The following TNIK variants were observed in gnomAD, a reference collection of about 807,000 sequenced individuals.
TNIK encodes the protein TRAF2 and NCK interacting kinase, also known as TRAF2 and NCK-interacting protein kinase.
Under a neutral mutation model 191.3 loss-of-function variants are expected in TNIK, and 49 were observed. The observed-to-expected ratio is 0.26, with a 90% CI of 0.20 to 0.32. The LOEUF (loss-of-function observed/expected upper bound fraction) is 0.32, where lower values mean the gene tolerates loss of function less well. Ranked by LOEUF, TNIK falls within the 10% of genes least tolerant of loss-of-function variation. The pLI, the probability that TNIK is intolerant of heterozygous loss-of-function variation, is 1.00. For missense variants in TNIK, 1,155 were observed against 1,702.3 expected (o/e 0.68, Z 5.66); for synonymous variants, 594 against 600.9 (o/e 0.99, Z 0.17).
intron 9 of TNIK, among the ~76,000 whole-genome samples, chr3:171,174,429 T>C (rs1316998053): frequency 1.3e-5 from 2 of 152,056 alleles, no homozygotes; most frequent in Non-Finnish European, 2.9e-5. Flanking sequence ...TAATCCGAGA[T>C]TCAAGAATGT....
At chr3:171,185,960 G>T (rs928389216) in intron 7 of TNIK, among the ~76,000 whole-genome samples, 2 of 152,282 alleles carry the variant, frequency 1.3e-5, no homozygotes, top group Middle Eastern at 3.4e-3. Context: ...AGGGCCCAAA[G>T]TGTTGACATC....
chr3:171,099,264 A>C (rs1423160478), intron 22 of TNIK, among the ~76,000 whole-genome samples: 1 of 151,984 alleles, frequency 6.6e-6, no homozygotes, highest in East Asian at 1.9e-4. Flanking sequence ...GTCTGATTTC[A>C]CTAGTCCAGA....
intron 1 of TNIK, among the ~76,000 whole-genome samples, chr3:171,415,411 G>T (rs946031190): frequency 6.6e-6 from 1 of 152,152 alleles, no homozygotes; most frequent in Non-Finnish European, 1.5e-5. Flanking sequence ...AAAGGTGACT[G>T]ACAATAGGAA....
intron 2 of TNIK, among the ~76,000 whole-genome samples, chr3:171,260,801 A>C (rs144459001): frequency 2.8e-3 from 419 of 152,288 alleles, no homozygotes; most frequent in African/African-American, 9.6e-3. Flanking sequence ...CTTTCCTTTA[A>C]TGGCTAAAAT....
In TNIK at chr3:171,157,676, A is replaced by G; in HGVS notation, c.1017-12T>C. On this transcript the variant is annotated splice_polypyrimidine_tract_variant and intron_variant, in intron 11 of 32. Transcript: ENST00000436636. Reference sequence around the variant, plus strand: ...GATTCAGGATGGAGCTGTGGGTAGGAGAGAGTGATCAGGATCCCACGTGGG... The same window carrying G: ...GATTCAGGATGGAGCTGTGGGTAGGGGAGAGTGATCAGGATCCCACGTGGG... 2 of 1,552,742 alleles carry G rather than the reference A, an allele frequency of 1.3e-6. No individual in the cohort carries two copies. Among genetic ancestry groups the G allele is most frequent in the Non-Finnish European group, 1.7e-6 (2 of 1,147,614 alleles).
At chr3:171,077,625 A>T (rs1414587108) in intron 28 of TNIK, among the ~76,000 whole-genome samples, 1 of 152,116 alleles carries the variant, frequency 6.6e-6, no homozygotes, top group Non-Finnish European at 1.5e-5. Context: ...GTGGAACAAC[A>T]CCATCAGCTC....
intron 14 of TNIK, 74 bp downstream of exon 14, chr3:171,139,370 GCACGCGCGCACACACACACACACACA>G (rs748286315): frequency 6.6e-4 from 594 of 901,670 alleles, no homozygotes; most frequent in Middle Eastern, 9.9e-4. Flanking sequence ...AAGGACACAC[GCACGCGCGCACACACACACACACACA>G]CACACACACA....
At chr3:171,208,198 G>A (rs531655217) in intron 4 of TNIK, among the ~76,000 whole-genome samples, 1 of 152,254 alleles carries the variant, frequency 6.6e-6, no homozygotes, top group East Asian at 1.9e-4. Context: ...GCGTGCTCTT[G>A]CAGTCAGAGC....
chr3:171,081,390 C>A (rs1195177438), intron 27 of TNIK, among the ~76,000 whole-genome samples: 1 of 151,636 alleles, frequency 6.6e-6, no homozygotes, highest in Non-Finnish European at 1.5e-5. Context: ...AGCATAAATC[C>A]ATGTTCTCAA....
Position 171,260,827 on chromosome 3 carries a change from T to C in TNIK, c.124-32606A>G, listed in dbSNP as rs553221071. 3.9e-5 allele frequency among the ~76,000 whole-genome samples: 6 copies of C among 152,324 alleles called. No individual in the cohort carries two copies. The East Asian group carries it at 7.7e-4, about 20-fold the overall frequency. On this transcript the variant is annotated intron_variant, in intron 2 of 32. Transcript: ENST00000436636. ...TGGCTAAAATGCTTTACAAAATTCC[T>C]TGGGGTCAAATAGGATGTTTTTCCA...
At chr3:171,328,461 A>G (rs904432912) in intron 2 of TNIK, among the ~76,000 whole-genome samples, 5 of 152,140 alleles carry the variant, frequency 3.3e-5, no homozygotes, top group Non-Finnish European at 7.4e-5. Context: ...CTATCCAGAG[A>G]CTGGGTGATA....
intron 2 of TNIK, among the ~76,000 whole-genome samples, chr3:171,278,632 A>ATTAAACC (rs1560362869): frequency 1.3e-5 from 2 of 152,238 alleles, no homozygotes; most frequent in Non-Finnish European, 1.5e-5. Flanking sequence ...ATAGGAAAGT[A>ATTAAACC]AGTGATAGTC....
chr3:171,082,230 C>T, intron 27 of TNIK, 21 bp downstream of exon 27: 1 of 1,608,704 alleles, frequency 6.2e-7, no homozygotes, highest in South Asian at 1.1e-5. Flanking sequence ...ACCTGGGGGA[C>T]TCATCATCTT....
chr3:171,227,320 G>C (rs1743081571), intron 3 of TNIK, among the ~76,000 whole-genome samples: 1 of 152,134 alleles, frequency 6.6e-6, no homozygotes, highest in East Asian at 1.9e-4. Context: ...ATAAGAATTT[G>C]TGTTTATTGT....
intron 2 of TNIK, among the ~76,000 whole-genome samples, chr3:171,236,936 T>A (rs1744341850): frequency 6.6e-6 from 1 of 152,058 alleles, no homozygotes; most frequent in Admixed American, 6.5e-5. Flanking sequence ...GGCTGGGGGT[T>A]GGGGGAAATA....
intron 12 of TNIK, among the ~76,000 whole-genome samples, chr3:171,152,288 A>G (rs1298178299): frequency 1.3e-5 from 2 of 151,916 alleles, no homozygotes; most frequent in African/African-American, 2.4e-5. Flanking sequence ...AAAATAAATT[A>G]ATTAAAAAAA....
intron 15 of TNIK, among the ~76,000 whole-genome samples, chr3:171,134,329 A>G (rs1355571811): frequency 1.3e-5 from 2 of 152,214 alleles, no homozygotes; most frequent in African/African-American, 4.8e-5. Flanking sequence ...CTCTTTGCCC[A>G]GGCTGGAGTG....
chr3:171,335,254 GGTT>G (rs1311456189), intron 2 of TNIK, among the ~76,000 whole-genome samples: 2 of 152,126 alleles, frequency 1.3e-5, no homozygotes, highest in African/African-American at 4.8e-5. Flanking sequence ...AAAATGCATA[GGTT>G]GTTTATTAAT....
At chr3:171,427,780 GA>G (rs1330734996) in intron 1 of TNIK, among the ~76,000 whole-genome samples, 1 of 152,134 alleles carries the variant, frequency 6.6e-6, no homozygotes, top group Non-Finnish European at 1.5e-5. Context: ...GCAGGGACAG[GA>G]ATAAAATACT....
Sources: allele counts gnomAD v4.1 joint callset (sites outside exome capture counted in the v4.1 genomes callset), GRCh38; gene constraint gnomAD v4.1.1; transcripts MANE v1.5; gene names NCBI Gene and HGNC (gene_info 2026-07-23, HGNC 2026-07-21).